USP26: variants seen among roughly 807,000 people sequenced by gnomAD.
The protein encoded by USP26 is ubiquitin specific peptidase 26, also known as ubiquitin carboxyl-terminal hydrolase 26.
For synonymous variants in USP26, 236 were observed against 240.6 expected, an observed-to-expected ratio of 0.98 and a Z score of 0.18; for missense variants, 649 against 642.3, an observed-to-expected ratio of 1.01 and a Z score of -0.11.
Position 133,023,402 on chromosome X carries a change from T to C in USP26, c.*2077A>G, listed in dbSNP as rs2067332587. 8.9e-6 allele frequency among the ~76,000 whole-genome samples: 1 copy of C among 111,766 alleles called. No homozygotes were observed. The highest frequency in any genetic ancestry group is 1.9e-5 in the Non-Finnish European group (1 of 53,196). On this transcript the variant is annotated 3_prime_UTR_variant, in exon 6 of 6. Transcript: ENST00000511190. ...GTACTAAAATATCAAGTTATTAGCA[T>C]CTTCACACTCCTTTCAAAACAAAAC... is the stretch of plus-strand genomic sequence containing the variant.
intron 5 of USP26, among the ~76,000 whole-genome samples, chrX:133,036,884 A>T (rs1053123948): frequency 1.8e-5 from 2 of 112,489 alleles, no homozygotes. Context: ...CTGGCGTAAG[A>T]TTGTATCTCA....
intron 5 of USP26, among the ~76,000 whole-genome samples, chrX:133,082,586 A>C (rs2067574214): frequency 8.9e-6 from 1 of 112,215 alleles, no homozygotes; most frequent in South Asian, 3.8e-4. Context: ...TTGAGTCTCT[A>C]AACTCCACAC....
Position 133,026,370 on chromosome X carries a change from A to G in USP26, c.1851T>C (p.Phe617=), listed in dbSNP as rs1190163451. The G allele has an allele frequency of 4.2e-6, 5 of 1,201,642 alleles. No homozygotes were observed. Among genetic ancestry groups the G allele is most frequent in the Non-Finnish European group, 5.6e-6 (5 of 893,086 alleles). ...ESEQKKGQTV[F]KGASRRQQQK... is the part of the protein sequence containing the mutation. The stretch of plus-strand genomic sequence containing the variant: ...GCTGCTGTCTTCTGCTTGCCCCTTT[A>G]AAGACTGTCTGGCCTTTTTTTTGTT... Residue 617 remains phenylalanine, a synonymous_variant, in exon 6 of 6, where the codon TTT becomes TTC. Coordinates refer to ENST00000511190, the MANE Select transcript of USP26 (RefSeq NM_031907.3).
chrX:133,088,376 G>A (rs1602992056), intron 4 of USP26, among the ~76,000 whole-genome samples: 1 of 111,400 alleles, frequency 9.0e-6, no homozygotes, highest in Non-Finnish European at 1.9e-5. Context: ...GTGCAACCTA[G>A]ATCCCTTGCA....
At chrX:133,094,538 C>T (rs1232847743) in intron 1 of USP26, among the ~76,000 whole-genome samples, 3 of 110,790 alleles carry the variant, frequency 2.7e-5, no homozygotes, top group African/African-American at 6.6e-5. Context: ...TGACTTCCAA[C>T]GGCTGTTCAC....
At chrX:133,033,725 A>C (rs1481662200) in intron 5 of USP26, among the ~76,000 whole-genome samples, 2 of 112,102 alleles carry the variant, frequency 1.8e-5, no homozygotes. Context: ...CTTTCTGCTA[A>C]CTATTGCAAT....
chrX:133,041,771 G>A (rs779452838), intron 5 of USP26, among the ~76,000 whole-genome samples: 15 of 112,209 alleles, frequency 1.3e-4, no homozygotes, highest in Admixed American at 9.4e-4. Context: ...CTTCAGAGCC[G>A]GCAGGCAGGA....
intron 5 of USP26, among the ~76,000 whole-genome samples, chrX:133,049,188 T>C (rs2067450788): frequency 8.9e-6 from 1 of 111,967 alleles, no homozygotes; most frequent in South Asian, 3.8e-4. Flanking sequence ...GGGTTACACA[T>C]TTAATGACTT....
intron 5 of USP26, among the ~76,000 whole-genome samples, chrX:133,053,412 C>T (rs2067465961): frequency 9.1e-6 from 1 of 109,662 alleles, no homozygotes; most frequent in African/African-American, 3.3e-5. Flanking sequence ...GTGGTGCATG[C>T]CTGTAATCCC....
Position 133,026,670 on chromosome X carries a change from A to G in USP26, c.1551T>C (p.Leu517=). 7 of 1,210,290 alleles carry G rather than the reference A, an allele frequency of 5.8e-6. No individual in the cohort carries two copies. The highest frequency in any genetic ancestry group is 7.8e-6 in the Non-Finnish European group (7 of 895,010). ...VHSFSRLPRI[L]IVHLKRYSLN... The stretch of plus-strand genomic sequence containing the variant: ...AGCTATAGCGTTTGAGGTGAACAAT[A>G]AGGATTCTAGGTAGCCTACTGAATG... The change falls in exon 6 of 6, where the codon CTT becomes CTC. Residue 517 remains leucine (L), a synonymous_variant. Coordinates refer to ENST00000511190, the MANE Select transcript of USP26 (RefSeq NM_031907.3).
intron 5 of USP26, among the ~76,000 whole-genome samples, chrX:133,037,810 A>AT (rs754780293): frequency 1.7e-4 from 19 of 111,217 alleles, no homozygotes; most frequent in South Asian, 3.8e-4. Context: ...TGAACATGGA[A>AT]TTTTTTTTCC....
rs754984939 is a variant in USP26, at chrX:133,025,472, G to A, written c.*7C>T. 5 of 1,210,756 alleles carry A rather than the reference G, an allele frequency of 4.1e-6. No individual in the cohort carries two copies. The highest frequency in any genetic ancestry group is 1.8e-5 in the South Asian group (1 of 56,942). On this transcript the variant is annotated 3_prime_UTR_variant, in exon 6 of 6. Coordinates refer to ENST00000511190, the MANE Select transcript of USP26 (RefSeq NM_031907.3). ...GGCAGATCTGTACAAGGAGGAGTAC[G>A]TTCCTCTTATTCCTTCTGAAGGGTC...
In USP26 at chrX:133,026,800, G is replaced by A. The variant is rs772257626; in HGVS notation, c.1421C>T (p.Ala474Val). The change falls in exon 6 of 6, where the codon GCA (alanine) becomes GTA (valine). Residue 474 changes from alanine (A) to valine (V), a missense_variant. Coordinates refer to ENST00000511190, the MANE Select transcript of USP26 (RefSeq NM_031907.3). Reference sequence around the variant, plus strand: ...AGTAGACTGAATAGATGAAGGATGTGCTTTTATTCTTTGGGGAAGGTTGAT... The same window carrying A: ...AGTAGACTGAATAGATGAAGGATGTACTTTTATTCTTTGGGGAAGGTTGAT... ...LSINLPQRIK[A>V]HPSSIQSTFD... 8.3e-7 allele frequency: 1 copy of A among 1,209,175 alleles called. No individual in the cohort carries two copies. Among genetic ancestry groups the A allele is most frequent in the African/African-American group, 1.8e-5 (1 of 57,062 alleles).
At chrX:133,060,130 T>C (rs933094793) in intron 5 of USP26, among the ~76,000 whole-genome samples, 2 of 111,834 alleles carry the variant, frequency 1.8e-5, no homozygotes, top group Non-Finnish European at 3.8e-5. Context: ...ATTTAGTGTA[T>C]GAGAATAGTT....
At chrX:133,045,829 G>A (rs1296057518) in intron 5 of USP26, 2 of 115,687 alleles carry the variant, frequency 1.7e-5, no homozygotes, top group Admixed American at 9.4e-5. Context: ...GTGAGACCAA[G>A]AACCCACCAA....
At chrX:133,036,658 T>C (rs928022240) in intron 5 of USP26, among the ~76,000 whole-genome samples, 2 of 112,288 alleles carry the variant, frequency 1.8e-5, no homozygotes. Context: ...TGTGTCTTTA[T>C]AGTAGAATGA....
intron 5 of USP26, among the ~76,000 whole-genome samples, chrX:133,050,053 T>C (rs1293226076): frequency 1.8e-5 from 2 of 112,587 alleles, no homozygotes; most frequent in Non-Finnish European, 3.8e-5. Flanking sequence ...AGAGCACTCT[T>C]ATCTCTGACT....
chrX:133,028,698 G>A (rs182120375), intron 5 of USP26, among the ~76,000 whole-genome samples: 5 of 111,799 alleles, frequency 4.5e-5, no homozygotes, highest in African/African-American at 1.6e-4. Flanking sequence ...TCAAGTGCAT[G>A]CATACAATAT....
At position 133,026,117 on chromosome X, in the gene USP26, C is replaced by A. The variant is rs2067346777; in HGVS notation, c.2104G>T (p.Val702Leu). The change falls in exon 6 of 6, where the codon GTG becomes TTG. Residue 702 changes from valine to leucine, a missense_variant. Physicochemically the swap from Val to Leu is conservative, Grantham distance 32. Transcript: ENST00000511190. The part of the protein sequence containing the change: ...VPENPKRKKY[V>L]KTSKFVAFDR... ...AAAGCTACAAACTTACTGGTTTTCA[C>A]ATATTTCTTTCGTTTTGGATTTTCG... 5.0e-6 allele frequency: 6 copies of A among 1,210,800 alleles called. No individual in the cohort carries two copies. In the Middle Eastern group the frequency reaches 1.4e-3, roughly 278 times the overall value.
Sources: gnomAD v4.1 joint callset for allele counts (sites outside exome capture counted in the v4.1 genomes callset) on GRCh38, gnomAD v4.1.1 for gene constraint, MANE v1.5 for transcripts, NCBI Gene and HGNC (gene_info 2026-07-23, HGNC 2026-07-21) for gene names.